The following ANTXR2 variants were observed in gnomAD, a reference collection of about 807,000 sequenced individuals.
ANTXR2 encodes the protein ANTXR cell adhesion molecule 2, also known as anthrax toxin receptor 2.
A neutral mutation model predicts 73.7 loss-of-function variants in ANTXR2; 44 were observed. The observed-to-expected ratio is 0.60, with a 90% confidence interval of 0.47 to 0.77. The LOEUF (loss-of-function observed/expected upper bound fraction) is 0.77, where lower values mean the gene tolerates loss of function less well. Ranked by LOEUF, ANTXR2 falls within the 30% of genes least tolerant of loss-of-function variation. The pLI is 0.00. For missense variants in ANTXR2, 604 were observed against 592.5 expected (o/e 1.02, Z -0.20); for synonymous variants, 217 against 205.9 (o/e 1.05, Z -0.46).
In ANTXR2 at chr4:79,975,775, CATT is replaced by C. The variant is rs1729597908; in HGVS notation, c.1428+1843_1428+1845del. ...GATGAATTTAAAAAGATACAAATGTCATTATGAAGAACCACAGTGATTGGATCA... is the reference window on the plus strand; with the variant it reads ...GATGAATTTAAAAAGATACAAATGTCATGAAGAACCACAGTGATTGGATCA... On this transcript the variant is annotated intron_variant, in intron 16 of 16. Transcript: ENST00000403729. 2.6e-5 allele frequency among the ~76,000 whole-genome samples: 4 copies of C among 152,268 alleles called. No homozygotes were observed. In the South Asian group the frequency reaches 8.3e-4, roughly 32 times the overall value.
intron 11 of ANTXR2, among the ~76,000 whole-genome samples, chr4:80,009,530 G>A (rs771021189): frequency 2.6e-4 from 40 of 152,146 alleles, no homozygotes; most frequent in Non-Finnish European, 5.0e-4. Context: ...ACTTAGCACC[G>A]TATACTCCAT....
chr4:79,911,466 C>T (rs916377318), intron 16 of ANTXR2, among the ~76,000 whole-genome samples: 3 of 151,640 alleles, frequency 2.0e-5, no homozygotes, highest in South Asian at 2.1e-4. Flanking sequence ...TAGAAGAATA[C>T]ATATAGACCT....
At chr4:79,983,857 A>ATTT in intron 14 of ANTXR2, 21 bp downstream of exon 14, 1 of 1,528,772 alleles carries the variant, frequency 6.5e-7, no homozygotes, top group Admixed American at 1.7e-5. Context: ...AGCAGCTTCT[A>ATTT]TTTTTTTTTA....
intron 11 of ANTXR2, among the ~76,000 whole-genome samples, chr4:80,012,151 C>T (rs535564026): frequency 3.0e-4 from 45 of 151,988 alleles, no homozygotes; most frequent in Non-Finnish European, 4.4e-4. Context: ...AGACACAGAA[C>T]GGGGAAAATG....
intron 1 of ANTXR2, among the ~76,000 whole-genome samples, chr4:80,072,202 G>C (rs995664810): frequency 1.5e-4 from 23 of 152,258 alleles, no homozygotes; most frequent in African/African-American, 5.1e-4. Flanking sequence ...CAAGTAGCCC[G>C]GGGCTCCAAT....
At chr4:79,993,842 A>G (rs779043193) in intron 12 of ANTXR2, among the ~76,000 whole-genome samples, 1 of 151,708 alleles carries the variant, frequency 6.6e-6, no homozygotes, top group Non-Finnish European at 1.5e-5. Flanking sequence ...GATAATTGCC[A>G]TATATCTACT....
Position 79,977,648 on chromosome 4 carries a change from A to G in ANTXR2, c.1401T>C (p.Ser467=). 2 of 1,581,752 alleles carry G rather than the reference A, an allele frequency of 1.3e-6. No homozygotes were observed. The highest frequency in any genetic ancestry group is 1.7e-6 in the Non-Finnish European group (2 of 1,162,812). ...CATCTCCTTCCTGAGGTCGCATCAA[A>G]GAAACCCGGTCATACTGCCGCCTCA... is the stretch of plus-strand genomic sequence containing the variant. ...ALLRRQYDRV[S]LMRPQEGDEG... The change falls in exon 16 of 17, where the codon TCT becomes TCC. Residue 467 remains serine (S), a synonymous_variant. Transcript: ENST00000403729.
rs186917209 is a variant in ANTXR2, at chr4:80,028,063, G to A, written c.866+3560C>T. Among the ~76,000 whole-genome samples the A allele has an allele frequency of 3.3e-5, 5 of 152,088 alleles. No individual in the cohort carries two copies. The South Asian group carries it at 6.2e-4, about 19-fold the overall frequency. On this transcript the variant is annotated intron_variant, in intron 10 of 16. Transcript: ENST00000403729. ...TCATACACCATTTTAAAAGTAAACCGTGTTCATCCAAAAAAATAGAAAACA... is the reference window on the plus strand; with the variant it reads ...TCATACACCATTTTAAAAGTAAACCATGTTCATCCAAAAAAATAGAAAACA...
intron 12 of ANTXR2, among the ~76,000 whole-genome samples, chr4:80,003,560 A>G: frequency 6.6e-6 from 1 of 151,914 alleles, no homozygotes; most frequent in African/African-American, 2.4e-5. Context: ...TTAAAGTATA[A>G]TAATAATAAA....
At chr4:79,934,533 C>CAAT (rs1728182816) in intron 16 of ANTXR2, among the ~76,000 whole-genome samples, 1 of 113,770 alleles carries the variant, frequency 8.8e-6, no homozygotes, top group Admixed American at 9.4e-5. Flanking sequence ...TCTAAAACAA[C>CAAT]AACAACAACA....
intron 2 of ANTXR2, 56 bp from the exon 3 acceptor site, chr4:80,069,563 A>G: frequency 7.5e-7 from 1 of 1,332,676 alleles, no homozygotes; most frequent in Admixed American, 2.0e-5. Context: ...TATTGATACG[A>G]TACAGATGTA....
chr4:80,071,782 G>A, intron 1 of ANTXR2, 128 bp from the exon 2 acceptor site: 1 of 705,442 alleles, frequency 1.4e-6, no homozygotes, highest in African/African-American at 1.8e-5. Context: ...CTAAGTAAGG[G>A]TATCTGTAGC....
At chr4:80,004,594 TAC>T (rs1163797109) in intron 12 of ANTXR2, among the ~76,000 whole-genome samples, 2 of 152,100 alleles carry the variant, frequency 1.3e-5, no homozygotes, top group African/African-American at 4.8e-5. Context: ...CATCTATGGT[TAC>T]ACTGCCTTCT....
chr4:80,036,177 C>T (rs1284267966), intron 7 of ANTXR2, 145 bp from the exon 8 acceptor site: 2 of 656,192 alleles, frequency 3.0e-6, no homozygotes, highest in African/African-American at 3.9e-5. Flanking sequence ...GCGTGTACAG[C>T]TACCAAGTTC....
At chr4:79,984,777 A>G (rs1188688559) in intron 13 of ANTXR2, 42 bp downstream of exon 13, 2 of 1,461,924 alleles carry the variant, frequency 1.4e-6, no homozygotes, top group Non-Finnish European at 1.9e-6. Context: ...CTGCATTTGG[A>G]AAAAAAAAAC....
chr4:79,993,582 T>C (rs1316491964), intron 12 of ANTXR2, among the ~76,000 whole-genome samples: 1 of 151,990 alleles, frequency 6.6e-6, no homozygotes, highest in Non-Finnish European at 1.5e-5. Context: ...CTAATTATGT[T>C]TGAATTACTG....
chr4:79,990,699 A>T (rs543306409), intron 12 of ANTXR2, among the ~76,000 whole-genome samples: 12 of 152,250 alleles, frequency 7.9e-5, no homozygotes, highest in African/African-American at 2.9e-4. Context: ...AAAAGAAAAA[A>T]GCAGGAGGCA....
intron 10 of ANTXR2, among the ~76,000 whole-genome samples, chr4:80,024,202 T>C (rs1259325636): frequency 1.3e-5 from 2 of 152,282 alleles, no homozygotes; most frequent in Admixed American, 6.5e-5. Context: ...AGTTTCTGTC[T>C]TACACAAGTA....
At chr4:79,999,816 C>T (rs951913178) in intron 12 of ANTXR2, among the ~76,000 whole-genome samples, 1 of 151,848 alleles carries the variant, frequency 6.6e-6, no homozygotes, top group Non-Finnish European at 1.5e-5. Flanking sequence ...ACTTGGGAGG[C>T]TGAAGCTGAG....
Sources: gnomAD v4.1 joint callset for allele counts (sites outside exome capture counted in the v4.1 genomes callset) on GRCh38, gnomAD v4.1.1 for gene constraint, MANE v1.5 for transcripts, NCBI Gene and HGNC (gene_info 2026-07-23, HGNC 2026-07-21) for gene names.